The following ANKH variants were observed in gnomAD, a reference collection of about 807,000 sequenced individuals.
ANKH encodes the protein ANKH inorganic pyrophosphate transport regulator.
A neutral mutation model predicts 49.0 loss-of-function variants in ANKH; 15 were observed. The ratio of observed to expected loss-of-function variants is 0.31; its 90% CI spans 0.20 to 0.47. ANKH has a LOEUF of 0.47. ANKH is among the 20% of genes least tolerant of loss of function. The pLI is 1.00. For missense variants in ANKH, 429 were observed against 652.0 expected (o/e 0.66, Z 3.72); for synonymous variants, 273 against 260.0 (o/e 1.05, Z -0.48).
At chr5:14,756,223 G>A (rs1477383861) in intron 3 of ANKH, among the ~76,000 whole-genome samples, 1 of 152,214 alleles carries the variant, frequency 6.6e-6, no homozygotes, top group Non-Finnish European at 1.5e-5. Context: ...TGCCTGGCAG[G>A]AAAGCTGAAG....
rs1462963800 is a variant in ANKH, at chr5:14,806,320, G to GT, written c.97-37130dup. On this transcript the variant is annotated intron_variant, in intron 1 of 11. Coordinates refer to ENST00000284268, the MANE Select transcript of ANKH (RefSeq NM_054027.6). ...CTCAACATAAAACACATTTGGGTGGGTAAAAAAAAAAAATACCCAATCCAT... is the reference window on the plus strand; with the variant it reads ...CTCAACATAAAACACATTTGGGTGGGTTAAAAAAAAAAAATACCCAATCCAT... Among the ~76,000 whole-genome samples, 17 of 108,310 alleles carry GT rather than the reference G, an allele frequency of 1.6e-4. No individual in the cohort carries two copies. In the East Asian group the frequency reaches 7.0e-3, roughly 44 times the overall value. The allele number at this position is 108,310 out of a possible 152,430, so 71.1% of individuals were successfully genotyped here. A position where few individuals can be genotyped will look rare whatever the true frequency, so the allele number is the denominator to read the frequency against.
chr5:14,800,052 T>C lies in ANKH; in HGVS notation c.97-30861A>G, dbSNP rs573482329. ...CACATTAACAGTCGTTTGGAAGAAG[T>C]TGATTTCAACCCTCATGGATGACTT... On this transcript the variant is annotated intron_variant, in intron 1 of 11. Transcript: ENST00000284268. Among the ~76,000 whole-genome samples the C allele has an allele frequency of 1.8e-3, 273 of 152,152 alleles. 1 individual carries two copies. Among genetic ancestry groups the C allele is most frequent in the African/African-American group, 6.3e-3 (263 of 41,486 alleles).
rs1737008240 is a variant in ANKH at position 14,708,047 on chromosome 5, A to G, written c.*3150T>C. The G allele has an allele frequency of 6.6e-6, 1 of 152,142 alleles. No individual in the cohort carries two copies. 9.4% of individuals were successfully genotyped at this position (152,142 alleles called of 1,614,324 possible). On this transcript the variant is annotated 3_prime_UTR_variant, in exon 12 of 12. Transcript: ENST00000284268. The stretch of plus-strand genomic sequence containing the variant: ...CCATGTGGCCGGCAGGTCCAATCCT[A>G]CCGTGACTTTCCAAGCGCAAGCCTC...
At chr5:14,798,008 A>T in intron 1 of ANKH, 1 of 1,567,152 alleles carries the variant, frequency 6.4e-7, no homozygotes, top group Admixed American at 1.7e-5. Flanking sequence ...GGGGCATATA[A>T]CGGGCCCTGT....
rs1391112404 is a variant in ANKH at position 14,713,094 on chromosome 5, A to G, written c.1266-121T>C. The stretch of plus-strand genomic sequence containing the variant: ...ACGGCTGAGACCAGCGGCGTTCTCC[A>G]TCTGCTGGCTTCGTAAGGGCCGCAG... On this transcript the variant is annotated intron_variant, in intron 10 of 11. Transcript: ENST00000284268. The surrounding 1 kb of genome is among the most constrained non-coding windows in gnomAD (Gnocchi z 4.4). 7 of 984,162 alleles carry G rather than the reference A, an allele frequency of 7.1e-6. No individual in the cohort carries two copies. Among genetic ancestry groups the G allele is most frequent in the South Asian group, 2.8e-5 (2 of 72,122 alleles). 61.0% of individuals were successfully genotyped at this position (984,162 alleles called of 1,614,324 possible).
At position 14,769,054 on chromosome 5, in the gene ANKH, G is replaced by T. The variant is rs1413467715; in HGVS notation, c.234C>A (p.Asn78Lys). 2 of 1,614,206 alleles carry T rather than the reference G, an allele frequency of 1.2e-6. No homozygotes were observed. Among genetic ancestry groups the T allele is most frequent in the Non-Finnish European group, 1.7e-6 (2 of 1,180,046 alleles). ...CGGCTTTGGTCCTGTCTCTCTTGCTGTTCACAAACACCAGGCCCACATTTT... is the reference window on the plus strand; with the variant it reads ...CGGCTTTGGTCCTGTCTCTCTTGCTTTTCACAAACACCAGGCCCACATTTT... ...DFKNVGLVFV[N>K]SKRDRTKAVL... The change falls in exon 2 of 12, where the codon AAC (asparagine) becomes AAA (lysine). Residue 78 changes from asparagine (N) to lysine (K), a missense_variant. Physicochemically the swap from Asn to Lys is moderately conservative, Grantham distance 94. Transcript: ENST00000284268.
rs1374931148 is a variant in ANKH, at chr5:14,706,906, T to C, written c.*4291A>G. 4 of 152,256 alleles carry C rather than the reference T, an allele frequency of 2.6e-5. No individual in the cohort carries two copies. Among genetic ancestry groups the C allele is most frequent in the Non-Finnish European group, 5.9e-5 (4 of 68,048 alleles). The allele number at this position is 152,256 out of a possible 1,614,324, so 9.4% of individuals were successfully genotyped here. A position where few individuals can be genotyped will look rare whatever the true frequency, so the allele number is the denominator to read the frequency against. On this transcript the variant is annotated 3_prime_UTR_variant, in exon 12 of 12. Transcript: ENST00000284268. ...GTGTGTGAGGGCGATGTCTACAGAA[T>C]GCAGGCAGGAGCTGCTGGCTTTGAA...
chr5:14,719,745 A>T (rs1375363031), intron 8 of ANKH, among the ~76,000 whole-genome samples: 2 of 152,130 alleles, frequency 1.3e-5, no homozygotes, highest in African/African-American at 4.8e-5. Context: ...TGCCTCTCGG[A>T]GTAGGAAAGG....
At chr5:14,795,892 T>C (rs918709598) in intron 1 of ANKH, among the ~76,000 whole-genome samples, 5 of 151,778 alleles carry the variant, frequency 3.3e-5, no homozygotes, top group Non-Finnish European at 5.9e-5. Context: ...GCCCAACATA[T>C]ATAAAAGCGA....
chr5:14,719,125 G>A (rs1445667903), intron 8 of ANKH, among the ~76,000 whole-genome samples: 1 of 152,222 alleles, frequency 6.6e-6, no homozygotes, highest in Non-Finnish European at 1.5e-5. Flanking sequence ...ATCAGGGCAC[G>A]TCACTGAACA....
At chr5:14,842,721 T>TG (rs1741848216) in intron 1 of ANKH, among the ~76,000 whole-genome samples, 1 of 151,638 alleles carries the variant, frequency 6.6e-6, no homozygotes, top group Non-Finnish European at 1.5e-5. Context: ...AGACAGGGAG[T>TG]GGGGGTTTTC....
chr5:14,775,901 C>T (rs958275921), intron 1 of ANKH, among the ~76,000 whole-genome samples: 26 of 152,100 alleles, frequency 1.7e-4, no homozygotes, highest in African/African-American at 5.1e-4. Context: ...GAGAGGGATG[C>T]GAGCCACAGA....
intron 8 of ANKH, among the ~76,000 whole-genome samples, chr5:14,722,283 G>A (rs1458036111): frequency 3.3e-5 from 5 of 152,156 alleles, no homozygotes; most frequent in Admixed American, 6.5e-5. Flanking sequence ...ATGAACAAGA[G>A]TCGTTCCTCT....
intron 1 of ANKH, among the ~76,000 whole-genome samples, chr5:14,852,066 G>A (rs2126622389): frequency 6.6e-6 from 1 of 152,318 alleles, no homozygotes; most frequent in Admixed American, 6.5e-5. Context: ...AGGACTGCTT[G>A]AGCCCAGGAG....
rs1391402293 is a variant in ANKH at position 14,718,839 on chromosome 5, C to CA, written c.1012-2005dup. Among the ~76,000 whole-genome samples, 33 of 133,912 alleles carry CA rather than the reference C, an allele frequency of 2.5e-4. No individual in the cohort carries two copies. In the East Asian group the frequency reaches 4.7e-3, roughly 19 times the overall value. 87.9% of individuals were successfully genotyped at this position (133,912 alleles called of 152,430 possible). A position where few individuals can be genotyped will look rare whatever the true frequency, so the allele number is the denominator to read the frequency against. On this transcript the variant is annotated intron_variant, in intron 8 of 11. Coordinates refer to ENST00000284268, the MANE Select transcript of ANKH (RefSeq NM_054027.6). ...CATCCTCCCAACACCACCCCCCCCC[C>CA]AAAAAAAAAAGACATAGAAAAAGAT... is the stretch of plus-strand genomic sequence containing the variant.
At chr5:14,829,568 T>C (rs1006770848) in intron 1 of ANKH, among the ~76,000 whole-genome samples, 3 of 152,198 alleles carry the variant, frequency 2.0e-5, no homozygotes, top group Admixed American at 2.0e-4. Context: ...GCGAGTTGCC[T>C]GTTCTCGTGC....
At chr5:14,723,951 C>T (rs564690885) in intron 8 of ANKH, among the ~76,000 whole-genome samples, 1 of 152,308 alleles carries the variant, frequency 6.6e-6, no homozygotes, top group East Asian at 1.9e-4. Flanking sequence ...TTCCAGTCAG[C>T]ATGTGAGCCA....
chr5:14,716,240 G>A (rs1439560561), intron 9 of ANKH, among the ~76,000 whole-genome samples: 4 of 152,098 alleles, frequency 2.6e-5, no homozygotes, highest in Non-Finnish European at 5.9e-5. Context: ...AGTGGCTCAC[G>A]CCTGTAATCC....
intron 1 of ANKH, among the ~76,000 whole-genome samples, chr5:14,863,741 T>C (rs949635670): frequency 6.6e-6 from 1 of 152,152 alleles, no homozygotes; most frequent in Non-Finnish European, 1.5e-5. Flanking sequence ...GTTTATTTAC[T>C]CACACAAGAC....
Sources: allele counts gnomAD v4.1 joint callset (sites outside exome capture counted in the v4.1 genomes callset), GRCh38; gene constraint gnomAD v4.1.1; non-coding constraint Gnocchi (gnomAD v3.1); transcripts MANE v1.5; gene names NCBI Gene and HGNC (gene_info 2026-07-23, HGNC 2026-07-21).